The following FAF1 variants were observed in gnomAD, a reference collection of about 807,000 sequenced individuals.
FAF1 encodes the protein FAS-associated factor 1.
FAF1 carries 25 observed loss-of-function variants against 92.5 expected under a neutral mutation model. The ratio of observed to expected loss-of-function variants is 0.27; its 90% CI spans 0.20 to 0.38. The LOEUF is 0.38. Among genes scored for constraint, FAF1 ranks in the 10% least tolerant of loss-of-function variants. The probability of loss-of-function intolerance (pLI) is 1.00; values close to 1 mark genes in which losing one functional copy is unlikely to be tolerated. For missense variants in FAF1, 636 were observed against 793.3 expected, an observed-to-expected ratio of 0.80 and a Z score of 2.38; for synonymous variants, 234 against 273.2, an observed-to-expected ratio of 0.86 and a Z score of 1.42.
intron 1 of FAF1, among the ~76,000 whole-genome samples, chr1:50,910,709 C>T (rs956246799): frequency 2.6e-5 from 4 of 151,810 alleles, no homozygotes; most frequent in African/African-American, 4.8e-5. Context: ...ATCTGGTGTG[C>T]CGTTCGCTAA....
chr1:50,503,058 C>T (rs1647012067), intron 15 of FAF1, among the ~76,000 whole-genome samples: 1 of 152,036 alleles, frequency 6.6e-6, no homozygotes, highest in Admixed American at 6.6e-5. Context: ...AGGCTGGTCT[C>T]AAACTCCTGG....
intron 15 of FAF1, among the ~76,000 whole-genome samples, chr1:50,517,350 CA>C (rs1483515304): frequency 6.6e-6 from 1 of 152,136 alleles, no homozygotes; most frequent in Non-Finnish European, 1.5e-5. Context: ...GCAAATAACT[CA>C]TATAGGTCTC....
chr1:50,706,017 C>T, intron 6 of FAF1, 126 bp from the exon 7 acceptor site: 1 of 567,360 alleles, frequency 1.8e-6, no homozygotes, highest in Non-Finnish European at 3.2e-6. Flanking sequence ...CCAATGTTAT[C>T]ATATTTTCAG....
intron 7 of FAF1, 103 bp downstream of exon 7, chr1:50,705,683 A>G (rs1657644826): frequency 6.9e-6 from 4 of 579,368 alleles, no homozygotes. Flanking sequence ...CAATAATGAA[A>G]CATAAAGAGA....
chr1:50,921,630 T>C (rs933369475), intron 1 of FAF1, among the ~76,000 whole-genome samples: 6 of 151,666 alleles, frequency 4.0e-5, no homozygotes. Flanking sequence ...TGGTGGTGCC[T>C]AGCTACTAGG....
At chr1:50,493,678 C>T (rs1233761188) in intron 15 of FAF1, among the ~76,000 whole-genome samples, 1 of 152,192 alleles carries the variant, frequency 6.6e-6, no homozygotes, top group Non-Finnish European at 1.5e-5. Flanking sequence ...CTGTATTCCA[C>T]ATACTGCCTA....
At chr1:50,726,413 T>C (rs992606151) in intron 6 of FAF1, among the ~76,000 whole-genome samples, 77 of 151,640 alleles carry the variant, frequency 5.1e-4, no homozygotes, top group African/African-American at 1.8e-3. Flanking sequence ...ATGAAGAAAA[T>C]AGGCTGGGCA....
At chr1:50,783,325 T>C (rs1259891398) in intron 4 of FAF1, among the ~76,000 whole-genome samples, 1 of 152,212 alleles carries the variant, frequency 6.6e-6, no homozygotes, top group East Asian at 1.9e-4. Context: ...TCCGAAAAAC[T>C]GAAGGAGGGA....
intron 8 of FAF1, among the ~76,000 whole-genome samples, chr1:50,636,459 C>G (rs151024892): frequency 7.2e-6 from 1 of 139,820 alleles, no homozygotes; most frequent in Non-Finnish European, 1.5e-5. Flanking sequence ...GATCTCAGCT[C>G]ACTGCAATCT....
chr1:50,673,194 G>A (rs551374036), intron 7 of FAF1, among the ~76,000 whole-genome samples: 34 of 151,774 alleles, frequency 2.2e-4, no homozygotes, highest in Admixed American at 2.0e-3. Flanking sequence ...GGAGGCAGAG[G>A]TTGCAGTGAG....
chr1:50,508,836 G>A (rs1362837049), intron 15 of FAF1, among the ~76,000 whole-genome samples: 1 of 152,198 alleles, frequency 6.6e-6, no homozygotes, highest in Admixed American at 6.5e-5. Flanking sequence ...GAGTAGCAGG[G>A]ATTATAGGCA....
chr1:50,910,425 A>T lies in FAF1; in HGVS notation c.45+49342T>A, dbSNP rs562394991. Among the ~76,000 whole-genome samples, 288 of 152,212 alleles carry T rather than the reference A, an allele frequency of 1.9e-3. 1 individual carries two copies. The highest frequency in any genetic ancestry group is 1.9e-3 in the Non-Finnish European group (132 of 68,004). ...CTCTCTTCAAAGCTGTCAGACAGGG[A>T]AGTTTAAGTCTGCAGAAGTTTCTGA... On this transcript the variant is annotated intron_variant, in intron 1 of 18. Transcript: ENST00000396153.
chr1:50,637,681 A>ATATGTATGTGTGTGTG (rs1553123409), intron 8 of FAF1, among the ~76,000 whole-genome samples: 1 of 137,098 alleles, frequency 7.3e-6, no homozygotes, highest in Non-Finnish European at 1.6e-5. Flanking sequence ...ACATATATAT[A>ATATGTATGTGTGTGTG]TGTGTGTGTG....
intron 4 of FAF1, among the ~76,000 whole-genome samples, chr1:50,768,754 G>C (rs900722693): frequency 6.6e-6 from 1 of 152,074 alleles, no homozygotes; most frequent in Non-Finnish European, 1.5e-5. Context: ...AAGATGCAAT[G>C]TAACAGAAAC....
At chr1:50,732,532 T>C (rs542462759) in intron 6 of FAF1, among the ~76,000 whole-genome samples, 46 of 152,318 alleles carry the variant, frequency 3.0e-4, no homozygotes, top group South Asian at 4.1e-4. Flanking sequence ...TTAAATTCAA[T>C]TTTATGTGAT....
At chr1:50,646,118 T>C (rs1413929449) in intron 8 of FAF1, among the ~76,000 whole-genome samples, 1 of 152,222 alleles carries the variant, frequency 6.6e-6, no homozygotes, top group East Asian at 1.9e-4. Context: ...CTCCATTTTG[T>C]AGATAAAGAA....
chr1:50,747,583 CTT>C (rs1335084883), intron 4 of FAF1, among the ~76,000 whole-genome samples: 1 of 152,134 alleles, frequency 6.6e-6, no homozygotes, highest in Non-Finnish European at 1.5e-5. Context: ...TCAGATGAGA[CTT>C]TGGACTTCTG....
chr1:50,673,257 AAAAAAAAAAAAG>A (rs958258847), intron 7 of FAF1, among the ~76,000 whole-genome samples: 26 of 142,556 alleles, frequency 1.8e-4, no homozygotes, highest in Non-Finnish European at 3.3e-4. Context: ...ACTCTGTCTC[AAAAAAAAAAAAG>A]AAAAGAAAAA....
intron 15 of FAF1, among the ~76,000 whole-genome samples, chr1:50,531,527 T>A (rs1423569167): frequency 6.6e-6 from 1 of 152,160 alleles, no homozygotes; most frequent in Non-Finnish European, 1.5e-5. Flanking sequence ...TGTAATGTAG[T>A]AATACTTGTT....
Sources: gnomAD v4.1 joint callset for allele counts (sites outside exome capture counted in the v4.1 genomes callset) on GRCh38, gnomAD v4.1.1 for gene constraint, MANE v1.5 for transcripts, NCBI Gene and HGNC (gene_info 2026-07-23, HGNC 2026-07-21) for gene names.